The following KIRREL1 variants were observed in gnomAD, a reference collection of about 807,000 sequenced individuals.
The protein encoded by KIRREL1 is kin of IRRE-like protein 1.
Under a neutral mutation model 83.3 loss-of-function variants are expected in KIRREL1, and 25 were observed. That is an observed-to-expected ratio of 0.30 (90% CI 0.22 to 0.42). The LOEUF (loss-of-function observed/expected upper bound fraction) is 0.42. KIRREL1 is among the 10% of genes least tolerant of loss of function. KIRREL1 has a pLI of 1.00. For synonymous variants in KIRREL1, 388 were observed against 410.4 expected, an observed-to-expected ratio of 0.95 and a Z score of 0.66; for missense variants, 812 against 1,032.3, an observed-to-expected ratio of 0.79 and a Z score of 2.92.
At chr1:158,047,560 C>T (rs1319513377) in intron 1 of KIRREL1, among the ~76,000 whole-genome samples, 2 of 152,212 alleles carry the variant, frequency 1.3e-5, no homozygotes, top group Admixed American at 1.3e-4. Context: ...ATGCAGCCTT[C>T]ATAAAAATGA....
In KIRREL1 at chr1:158,043,142, C is replaced by A. The variant is rs185959149; in HGVS notation, c.53-32971C>A. On this transcript the variant is annotated intron_variant, in intron 1 of 14. Transcript: ENST00000359209. ...CCTTCATCATGAGGGTGGGGGCACT[C>A]CAACACCTACTGCGAGGAAGCAGTG... Among the ~76,000 whole-genome samples the A allele has an allele frequency of 1.3e-3, 201 of 151,524 alleles. 1 individual carries two copies. Among genetic ancestry groups the A allele is most frequent in the African/African-American group, 4.8e-3 (198 of 41,300 alleles).
chr1:158,090,532 G>A (rs1318088537), intron 10 of KIRREL1, among the ~76,000 whole-genome samples: 4 of 152,134 alleles, frequency 2.6e-5, no homozygotes, highest in Non-Finnish European at 5.9e-5. Context: ...CTGGCCTCCC[G>A]GGGGGCTTTC....
In KIRREL1 at chr1:158,087,973, C is replaced by G. The variant is rs774741655; in HGVS notation, c.768-33C>G. ...GGATGTAGTTGAGAGGGTCTGAGGC[C>G]TGATCCCACCTCTGTGTTGCCTCCT... On this transcript the variant is annotated intron_variant, in intron 6 of 14. Coordinates refer to ENST00000359209, the MANE Select transcript of KIRREL1 (RefSeq NM_018240.7). 5 of 1,613,434 alleles carry G rather than the reference C, an allele frequency of 3.1e-6. No individual in the cohort carries two copies. In the Admixed American group the frequency reaches 8.3e-5, roughly 27 times the overall value.
At chr1:158,073,873 C>T (rs544941366) in intron 1 of KIRREL1, among the ~76,000 whole-genome samples, 1 of 152,180 alleles carries the variant, frequency 6.6e-6, no homozygotes, top group Non-Finnish European at 1.5e-5. Context: ...GAGACTTCAG[C>T]GAGAGACCAG....
chr1:158,085,442 T>C (rs1384681957), intron 4 of KIRREL1, among the ~76,000 whole-genome samples: 1 of 152,234 alleles, frequency 6.6e-6, no homozygotes, highest in African/African-American at 2.4e-5. Flanking sequence ...AGTTTCTCAT[T>C]TGACAAATGA....
At chr1:158,008,343 G>GC (rs1395241629) in intron 1 of KIRREL1, among the ~76,000 whole-genome samples, 4 of 152,166 alleles carry the variant, frequency 2.6e-5, no homozygotes, top group African/African-American at 9.7e-5. Context: ...GCCCCTTGGG[G>GC]AGGCCTCACC....
In KIRREL1 at chr1:158,003,204, C is replaced by G. The variant is rs887307315; in HGVS notation, c.52+9476C>G. On this transcript the variant is annotated intron_variant, in intron 1 of 14. Coordinates refer to ENST00000359209, the MANE Select transcript of KIRREL1 (RefSeq NM_018240.7). The stretch of plus-strand genomic sequence containing the variant: ...TTTAACTGCTTCTTCCCATTCGATT[C>G]GCTTAACTGGGAGGTTATTAAAAGG... 5.3e-5 allele frequency among the ~76,000 whole-genome samples: 8 copies of G among 152,012 alleles called. No individual in the cohort carries two copies. In the South Asian group the frequency reaches 1.7e-3, roughly 32 times the overall value.
chr1:158,065,812 CT>C (rs34641132), intron 1 of KIRREL1, among the ~76,000 whole-genome samples: 49,707 of 151,848 alleles, frequency 0.33, 8,259 homozygotes, highest in African/African-American at 0.36. Flanking sequence ...GGATTTCTGC[CT>C]GTGAGACCCC....
rs61151289 is a variant in KIRREL1 at position 158,022,806 on chromosome 1, G to T, written c.52+29078G>T. Reference sequence around the variant, plus strand: ...CCAGCTCCTCTCCACATCTGCATCTGTGGGCCTTCTGCTAAAGTGCCAGCG... The same window carrying T: ...CCAGCTCCTCTCCACATCTGCATCTTTGGGCCTTCTGCTAAAGTGCCAGCG... On this transcript the variant is annotated intron_variant, in intron 1 of 14. Transcript: ENST00000359209. Among the ~76,000 whole-genome samples the T allele has an allele frequency of 5.9e-3, 899 of 152,292 alleles. 6 individuals are homozygous for T. The highest frequency in any genetic ancestry group is 0.02 in the African/African-American group (850 of 41,554).
At chr1:158,069,302 TTGTG>T (rs57076623) in intron 1 of KIRREL1, among the ~76,000 whole-genome samples, 11,977 of 143,234 alleles carry the variant, frequency 0.084, 888 homozygotes, top group African/African-American at 0.21. Context: ...TATGACGTAC[TTGTG>T]TGTGTGTGTG....
At position 158,071,509 on chromosome 1, in the gene KIRREL1, C is replaced by T. The variant is rs1272511763; in HGVS notation, c.53-4604C>T. On this transcript the variant is annotated intron_variant, in intron 1 of 14. Coordinates refer to ENST00000359209, the MANE Select transcript of KIRREL1 (RefSeq NM_018240.7). ...CAAGATCAAAGCAGATGGGAATACA[C>T]TTAAAACATACGCGCAGAATCTCAC... 2.0e-5 allele frequency among the ~76,000 whole-genome samples: 3 copies of T among 152,216 alleles called. No homozygotes were observed. The East Asian group carries it at 5.8e-4, about 29-fold the overall frequency.
At chr1:158,017,458 G>C (rs1044891711) in intron 1 of KIRREL1, among the ~76,000 whole-genome samples, 1 of 152,034 alleles carries the variant, frequency 6.6e-6, no homozygotes, top group African/African-American at 2.4e-5. Flanking sequence ...TTGGGAAGCT[G>C]AGGAGGGCGG....
intron 1 of KIRREL1, among the ~76,000 whole-genome samples, chr1:158,061,341 G>T (rs1201804791): frequency 6.6e-6 from 1 of 152,180 alleles, no homozygotes; most frequent in Non-Finnish European, 1.5e-5. Flanking sequence ...AAATCATTAG[G>T]TTATTGCAGA....
At chr1:158,040,989 G>A (rs548253458) in intron 1 of KIRREL1, among the ~76,000 whole-genome samples, 8 of 152,276 alleles carry the variant, frequency 5.3e-5, no homozygotes, top group Non-Finnish European at 8.8e-5. Flanking sequence ...TGTGGAAGTA[G>A]GAATGGAACA....
chr1:158,086,706 C>G lies in KIRREL1; in HGVS notation c.621C>G (p.Ile207Met). The change falls in exon 5 of 15, where the codon ATC becomes ATG. Residue 207 changes from isoleucine to methionine, a missense_variant. By Grantham distance (10) the Ile-to-Met change is conservative. This residue lies in a region of KIRREL1 where 472 missense variants were observed against 626.8 expected (regional missense o/e 0.75). Coordinates refer to ENST00000359209, the MANE Select transcript of KIRREL1 (RefSeq NM_018240.7). ...CTTGCCGAAGCATGAACGAAGCCATCCCTAGTGGCAAGGAGACTTCCATCG... is the reference window on the plus strand; with the variant it reads ...CTTGCCGAAGCATGAACGAAGCCATGCCTAGTGGCAAGGAGACTTCCATCG... ...VFTCRSMNEA[I>M]PSGKETSIEL... The G allele has an allele frequency of 6.4e-7, 1 of 1,551,556 alleles. No individual in the cohort carries two copies. The highest frequency in any genetic ancestry group is 1.4e-5 in the African/African-American group (1 of 73,036).
At chr1:158,024,656 C>G (rs1395985859) in intron 1 of KIRREL1, among the ~76,000 whole-genome samples, 1 of 152,076 alleles carries the variant, frequency 6.6e-6, no homozygotes, top group Non-Finnish European at 1.5e-5. Context: ...GGTGGGAAGG[C>G]CCTTGGATCC....
At chr1:158,061,252 T>A (rs1661208873) in intron 1 of KIRREL1, among the ~76,000 whole-genome samples, 1 of 152,112 alleles carries the variant, frequency 6.6e-6, no homozygotes. Context: ...GGAAATGAGG[T>A]GCTAAATTTG....
chr1:158,074,097 A>C (rs1300428802), intron 1 of KIRREL1, among the ~76,000 whole-genome samples: 1 of 152,178 alleles, frequency 6.6e-6, no homozygotes, highest in Non-Finnish European at 1.5e-5. Flanking sequence ...TGCTTGAATT[A>C]ATAATGTTGG....
intron 1 of KIRREL1, among the ~76,000 whole-genome samples, chr1:158,016,524 G>T (rs188270160): frequency 9.2e-5 from 14 of 152,216 alleles, no homozygotes; most frequent in Middle Eastern, 3.4e-3. Flanking sequence ...CCCAGCCACT[G>T]ATTTTTTTTT....
Sources: allele counts gnomAD v4.1 joint callset (sites outside exome capture counted in the v4.1 genomes callset), GRCh38; gene constraint gnomAD v4.1.1; regional missense constraint gnomAD v4.1.1; transcripts MANE v1.5; gene names NCBI Gene and HGNC (gene_info 2026-07-23, HGNC 2026-07-21).